ZNF385D: variants seen among roughly 807,000 people sequenced by gnomAD.
ZNF385D encodes the protein zinc finger protein 385D.
Under a neutral mutation model 35.8 loss-of-function variants are expected in ZNF385D, and 15 were observed. The ratio of observed to expected loss-of-function variants is 0.42; its 90% CI spans 0.28 to 0.64. ZNF385D has a LOEUF of 0.64. Among genes scored for constraint, ZNF385D ranks in the 30% least tolerant of loss-of-function variants. ZNF385D has a pLI of 0.23. For synonymous variants in ZNF385D, 212 were observed against 186.8 expected, an observed-to-expected ratio of 1.13 and a Z score of -1.10; for missense variants, 474 against 494.6, an observed-to-expected ratio of 0.96 and a Z score of 0.39.
Position 21,664,927 on chromosome 3 carries a change from C to T in ZNF385D, c.124G>A (p.Asp42Asn). 6.2e-7 allele frequency: 1 copy of T among 1,613,626 alleles called. No homozygotes were observed. The highest frequency in any genetic ancestry group is 8.5e-7 in the Non-Finnish European group (1 of 1,179,730). ...DIKPFLPFPL[D>N]TAAAVNLFPN... The stretch of plus-strand genomic sequence containing the variant: ...AAGAGGTTGACTGCAGCTGCAGTGT[C>T]AAGAGGAAAGGGAAGAAATGGTTTA... The change falls in exon 2 of 8, where the codon GAC becomes AAC. Residue 42 changes from aspartate to asparagine, a missense_variant. Coordinates refer to ENST00000281523, the MANE Select transcript of ZNF385D (RefSeq NM_024697.3).
At chr3:22,292,178 C>G (rs1297160282) in intron 2 of ZNF385D, among the ~76,000 whole-genome samples, 1 of 151,868 alleles carries the variant, frequency 6.6e-6, no homozygotes, top group Non-Finnish European at 1.5e-5. Context: ...TTCATTACTT[C>G]GTGGGTTATC....
At chr3:21,488,325 T>C (rs2125399037) in intron 4 of ZNF385D, among the ~76,000 whole-genome samples, 1 of 128,714 alleles carries the variant, frequency 7.8e-6, no homozygotes, top group East Asian at 2.5e-4. Flanking sequence ...TTGAATCTAA[T>C]AAGCTACACA....
intron 2 of ZNF385D, among the ~76,000 whole-genome samples, chr3:22,368,030 C>T (rs997037005): frequency 2.0e-5 from 3 of 152,192 alleles, no homozygotes; most frequent in African/African-American, 7.2e-5. Context: ...TGAAAATTCT[C>T]TTACTGAAAA....
intron 3 of ZNF385D, among the ~76,000 whole-genome samples, chr3:21,995,091 G>C (rs1695377918): frequency 6.6e-6 from 1 of 152,220 alleles, no homozygotes; most frequent in Non-Finnish European, 1.5e-5. Context: ...CAGGCCCCTG[G>C]GCAGTGTGCA....
intron 2 of ZNF385D, among the ~76,000 whole-genome samples, chr3:22,199,875 TAA>T (rs913884490): frequency 5.3e-5 from 8 of 152,200 alleles, no homozygotes; most frequent in Non-Finnish European, 7.4e-5. Flanking sequence ...TGAAATTTTA[TAA>T]AAAGAGACCC....
At chr3:22,239,142 T>C (rs1180513148) in intron 2 of ZNF385D, among the ~76,000 whole-genome samples, 1 of 151,024 alleles carries the variant, frequency 6.6e-6, no homozygotes, top group Non-Finnish European at 1.5e-5. Context: ...TAACACGAAA[T>C]GGTTTTAAAC....
chr3:21,978,526 G>T (rs1703784373), intron 3 of ZNF385D, among the ~76,000 whole-genome samples: 1 of 152,196 alleles, frequency 6.6e-6, no homozygotes, highest in African/African-American at 2.4e-5. Context: ...TTGCTAAATT[G>T]TCTCAGAGCT....
At chr3:21,972,540 A>T (rs1337868577) in intron 3 of ZNF385D, among the ~76,000 whole-genome samples, 3 of 151,980 alleles carry the variant, frequency 2.0e-5, no homozygotes, top group Non-Finnish European at 4.4e-5. Context: ...AAGATCAAGA[A>T]CAAATCAAAC....
chr3:22,094,102 G>A lies in ZNF385D; in HGVS notation c.325+74715C>T, dbSNP rs138684898. Among the ~76,000 whole-genome samples the A allele has an allele frequency of 7.4e-3, 1,120 of 151,952 alleles. 22 individuals carry two copies. The highest frequency in any genetic ancestry group is 0.06 in the South Asian group (288 of 4,798). On this transcript the variant is annotated intron_variant, in intron 3 of 5. Coordinates refer to the ZNF385D transcript ENST00000494108. The stretch of plus-strand genomic sequence containing the variant: ...AGGCTATTGCTGTTGAATTCTCTAA[G>A]TTATTTCATGTTTAAAAATACGTGT...
chr3:22,305,841 C>CA (rs1261920038), intron 2 of ZNF385D, among the ~76,000 whole-genome samples: 1 of 152,166 alleles, frequency 6.6e-6, no homozygotes, highest in Non-Finnish European at 1.5e-5. Context: ...TGTTACTGTT[C>CA]ACCTGTGTGT....
rs1243432273 is a variant in ZNF385D at position 22,009,627 on chromosome 3, AAAAAAAT to A, written c.325+159183_325+159189del. On this transcript the variant is annotated intron_variant, in intron 3 of 5. Transcript: ENST00000494108. ...AACAGAGTGAGACTCTGTCTCAAAA[AAAAAAAT>A]AAAAAAAAAAAAGATTCAATGAGAA... 4.6e-3 allele frequency among the ~76,000 whole-genome samples: 344 copies of A among 75,108 alleles called. 2 individuals carry two copies. Among genetic ancestry groups the A allele is most frequent in the African/African-American group, 0.042 (316 of 7,596 alleles). 49.3% of individuals were successfully genotyped at this position (75,108 alleles called of 152,430 possible).
At chr3:21,429,407 A>T (rs558506912) in intron 5 of ZNF385D, among the ~76,000 whole-genome samples, 38 of 152,214 alleles carry the variant, frequency 2.5e-4, no homozygotes, top group Non-Finnish European at 4.9e-4. Flanking sequence ...TTTTAATGAC[A>T]GCATAGACTT....
At chr3:22,224,330 A>T (rs1033157482) in intron 2 of ZNF385D, among the ~76,000 whole-genome samples, 1 of 152,190 alleles carries the variant, frequency 6.6e-6, no homozygotes, top group Admixed American at 6.5e-5. Flanking sequence ...TTACCAGCTT[A>T]GTGTGCCTCA....
intron 2 of ZNF385D, among the ~76,000 whole-genome samples, chr3:21,621,879 G>A (rs1379226902): frequency 2.0e-5 from 3 of 151,862 alleles, no homozygotes; most frequent in Non-Finnish European, 2.9e-5. Flanking sequence ...GTGTGTGTGT[G>A]TGTGTGTGTG....
At chr3:21,621,610 C>T (rs906706458) in intron 2 of ZNF385D, among the ~76,000 whole-genome samples, 1 of 133,916 alleles carries the variant, frequency 7.5e-6, no homozygotes, top group African/African-American at 2.8e-5. Flanking sequence ...CTTTATGCAG[C>T]AGCAAATGAT....
rs1706078924 is a variant in ZNF385D, at chr3:21,498,357, A to T, written c.439+12504T>A. 2.0e-5 allele frequency among the ~76,000 whole-genome samples: 3 copies of T among 152,306 alleles called. No individual in the cohort carries two copies. The South Asian group carries it at 6.2e-4, about 32-fold the overall frequency. ...GCCAAAAGCAATTGCAACAAAAAAA[A>T]AATTTGACAAATGGGACCTAAAGAG... is the stretch of plus-strand genomic sequence containing the variant. On this transcript the variant is annotated intron_variant, in intron 4 of 7. Coordinates refer to ENST00000281523, the MANE Select transcript of ZNF385D (RefSeq NM_024697.3).
chr3:21,938,697 T>C (rs1287066091), intron 3 of ZNF385D, among the ~76,000 whole-genome samples: 4 of 152,174 alleles, frequency 2.6e-5, no homozygotes, highest in African/African-American at 9.7e-5. Flanking sequence ...TTTCTTACCG[T>C]GCTTCATGTG....
intron 2 of ZNF385D, among the ~76,000 whole-genome samples, chr3:22,262,192 G>A (rs1700668246): frequency 2.0e-5 from 3 of 151,842 alleles, no homozygotes; most frequent in Admixed American, 2.0e-4. Context: ...ACATTGGCAT[G>A]TTAGTAACAA....
chr3:22,368,626 T>C (rs569029680), intron 2 of ZNF385D, among the ~76,000 whole-genome samples: 69 of 152,310 alleles, frequency 4.5e-4, no homozygotes, highest in African/African-American at 1.5e-3. Flanking sequence ...GGTCTGCAGA[T>C]GGCTATCTTC....
Sources: allele counts gnomAD v4.1 joint callset (sites outside exome capture counted in the v4.1 genomes callset), GRCh38; gene constraint gnomAD v4.1.1; transcripts MANE v1.5; gene names NCBI Gene and HGNC (gene_info 2026-07-23, HGNC 2026-07-21).